The following ASB15 variants were observed in gnomAD, a reference collection of about 807,000 sequenced individuals.
ASB15 encodes ankyrin repeat and SOCS box containing 15.
In ASB15, 54 loss-of-function variants were observed where a neutral mutation model predicts 58.0. The ratio of observed to expected loss-of-function variants is 0.93; its 90% CI spans 0.75 to 1.17. The LOEUF (loss-of-function observed/expected upper bound fraction) is 1.17. Ranked by LOEUF, ASB15 falls within the 50% of genes most tolerant of loss-of-function variation. ASB15 has a pLI of 0.00. For missense variants in ASB15, 680 were observed against 707.4 expected, an observed-to-expected ratio of 0.96 and a Z score of 0.44; for synonymous variants, 249 against 262.4, an observed-to-expected ratio of 0.95 and a Z score of 0.50.
intron 4 of ASB15, among the ~76,000 whole-genome samples, chr7:123,615,856 A>G (rs1175319549): frequency 3.3e-5 from 5 of 152,220 alleles, no homozygotes; most frequent in African/African-American, 1.2e-4. Flanking sequence ...TGAAGAACCC[A>G]CATCCAGAAA....
intron 3 of ASB15, among the ~76,000 whole-genome samples, chr7:123,609,598 C>G (rs1800329230): frequency 6.6e-6 from 1 of 152,166 alleles, no homozygotes; most frequent in African/African-American, 2.4e-5. Context: ...ATGCCCAAGA[C>G]AGAGTGTGAG....
At chr7:123,636,320 T>C (rs1238709732) in intron 11 of ASB15, among the ~76,000 whole-genome samples, 1 of 152,218 alleles carries the variant, frequency 6.6e-6, no homozygotes, top group Non-Finnish European at 1.5e-5. Flanking sequence ...TTTGAGAATA[T>C]ACAAGGTTTA....
At chr7:123,625,520 T>C (rs1304861681) in intron 8 of ASB15, among the ~76,000 whole-genome samples, 1 of 152,194 alleles carries the variant, frequency 6.6e-6, no homozygotes, top group Non-Finnish European at 1.5e-5. Flanking sequence ...CAAAATATAC[T>C]AGCAGTATTC....
Position 123,618,135 on chromosome 7 carries a change from A to G in ASB15, c.451+398A>G, listed in dbSNP as rs73718439. Among the ~76,000 whole-genome samples the G allele has an allele frequency of 7.6e-3, 1,165 of 152,318 alleles. 18 individuals carry two copies. Among genetic ancestry groups the G allele is most frequent in the African/African-American group, 0.027 (1,117 of 41,566 alleles). ...ACATCAAGTTCACATCAGACTGATC[A>G]GGCGAACCTGGAAGGAAGGGAGGCC... is the stretch of plus-strand genomic sequence containing the variant. On this transcript the variant is annotated intron_variant, in intron 7 of 11. Transcript: ENST00000451215.
Position 123,624,782 on chromosome 7 carries a change from A to G in ASB15, c.665A>G (p.His222Arg), listed in dbSNP as rs748824951. 7 of 1,614,062 alleles carry G rather than the reference A, an allele frequency of 4.3e-6. No homozygotes were observed. The East Asian group carries it at 1.6e-4, about 36-fold the overall frequency. Residue 222 changes from histidine to arginine, a missense_variant, in exon 8 of 12, where the codon CAC (histidine) becomes CGC (arginine). His to Arg is a conservative substitution (Grantham distance 29). Transcript: ENST00000451215. ...CTAGGCGTCGCTGCCGAGTATGGTC[A>G]CTGTGACGTGTTAGAACATCTAATC... is the stretch of plus-strand genomic sequence containing the variant. ...TPLGVAAEYG[H>R]CDVLEHLIHK...
intron 3 of ASB15, among the ~76,000 whole-genome samples, chr7:123,612,814 G>A (rs1398611019): frequency 1.3e-5 from 2 of 152,124 alleles, no homozygotes; most frequent in African/African-American, 4.8e-5. Context: ...TATTTAGAGA[G>A]CACAAACCTG....
intron 1 of ASB15, among the ~76,000 whole-genome samples, chr7:123,571,224 A>G (rs1798900020): frequency 6.6e-6 from 1 of 152,220 alleles, no homozygotes; most frequent in South Asian, 2.1e-4. Flanking sequence ...GATTGGGAGC[A>G]CTTTATCAAA....
rs549979873 is a variant in ASB15, at chr7:123,580,912, T to C, written c.-443+13824T>C. On this transcript the variant is annotated intron_variant, in intron 1 of 13. Coordinates refer to the ASB15 transcript ENST00000451558. Reference sequence around the variant, plus strand: ...AGAGACCGTTCGGTTAAGTCTATTATGAAAAGAGACCAATATTAACAATGC... The same window carrying C: ...AGAGACCGTTCGGTTAAGTCTATTACGAAAAGAGACCAATATTAACAATGC... Among the ~76,000 whole-genome samples, 6 of 152,154 alleles carry C rather than the reference T, an allele frequency of 3.9e-5. 1 individual carries two copies. Among genetic ancestry groups the C allele is most frequent in the Non-Finnish European group, 7.4e-5 (5 of 67,962 alleles).
At chr7:123,602,182 T>C (rs1799908922) in intron 1 of ASB15, among the ~76,000 whole-genome samples, 1 of 152,132 alleles carries the variant, frequency 6.6e-6, no homozygotes, top group Non-Finnish European at 1.5e-5. Flanking sequence ...AGAATGAGTA[T>C]CCTTATAGAA....
At chr7:123,626,608 T>C (rs916799717) in intron 8 of ASB15, among the ~76,000 whole-genome samples, 2 of 152,240 alleles carry the variant, frequency 1.3e-5, no homozygotes, top group Non-Finnish European at 2.9e-5. Context: ...CCAAAGATTT[T>C]AATAAAACAA....
intron 3 of ASB15, chr7:123,608,922 A>C (rs551879545): frequency 8.6e-5 from 13 of 151,864 alleles, no homozygotes; most frequent in Admixed American, 8.5e-4. Flanking sequence ...CATAAAAATG[A>C]GAATTCGTAT....
intron 1 of ASB15, among the ~76,000 whole-genome samples, chr7:123,569,536 G>A (rs747589926): frequency 3.9e-5 from 6 of 152,208 alleles, no homozygotes; most frequent in Non-Finnish European, 7.3e-5. Flanking sequence ...TGACTTAAGA[G>A]ACCATAAAAT....
At chr7:123,580,441 A>G (rs1350908737) in intron 1 of ASB15, among the ~76,000 whole-genome samples, 2 of 152,058 alleles carry the variant, frequency 1.3e-5, no homozygotes, top group African/African-American at 2.4e-5. Flanking sequence ...CCACTTGACC[A>G]AAAACTGCTC....
rs760926805 is a variant in ASB15 at position 123,629,421 on chromosome 7, T to C, written c.1427T>C (p.Ile476Thr). The change falls in exon 10 of 12, where the codon ATA becomes ACA. Residue 476 changes from isoleucine to threonine, a missense_variant. By Grantham distance (89) the Ile-to-Thr change is moderately conservative. Coordinates refer to ENST00000451215, the MANE Select transcript of ASB15 (RefSeq NM_001290258.2). The part of the protein sequence containing the change: ...EVLPGWTSCV[I>T]KDNPFCEFIT... ...CTGCCAGGATGGACATCTTGTGTAA[T>C]AAAAGATAACCCGGTGAGTTATGCC... The C allele has an allele frequency of 2.6e-5, 41 of 1,607,220 alleles. No homozygotes were observed. The highest frequency in any genetic ancestry group is 3.3e-5 in the Admixed American group (2 of 59,860).
intron 1 of ASB15, among the ~76,000 whole-genome samples, chr7:123,595,648 CATA>C (rs1315685078): frequency 2.6e-5 from 4 of 152,214 alleles, no homozygotes; most frequent in Non-Finnish European, 5.9e-5. Flanking sequence ...TAGTGCACAG[CATA>C]ATACCTGGCA....
At chr7:123,603,085 A>T (rs1223398891) in intron 1 of ASB15, among the ~76,000 whole-genome samples, 1 of 152,210 alleles carries the variant, frequency 6.6e-6, no homozygotes, top group East Asian at 1.9e-4. Flanking sequence ...ATTAAACTCA[A>T]TATAAAAATA....
At chr7:123,595,095 C>T (rs975305270) in intron 1 of ASB15, among the ~76,000 whole-genome samples, 3 of 152,198 alleles carry the variant, frequency 2.0e-5, no homozygotes, top group Non-Finnish European at 4.4e-5. Context: ...GCTCCGTGGA[C>T]GTGGAACTCG....
chr7:123,574,723 G>A (rs1484007405), intron 1 of ASB15, among the ~76,000 whole-genome samples: 2 of 151,672 alleles, frequency 1.3e-5, no homozygotes, highest in East Asian at 1.9e-4. Context: ...TTAACCCACT[G>A]TACTTTGTTC....
intron 1 of ASB15, among the ~76,000 whole-genome samples, chr7:123,590,254 T>C (rs1799497584): frequency 6.6e-6 from 1 of 152,230 alleles, no homozygotes; most frequent in South Asian, 2.1e-4. Context: ...GCAAAAATTT[T>C]ATCCCATTCT....
Sources: gnomAD v4.1 joint callset for allele counts (sites outside exome capture counted in the v4.1 genomes callset) on GRCh38, gnomAD v4.1.1 for gene constraint, MANE v1.5 for transcripts, NCBI Gene and HGNC (gene_info 2026-07-23, HGNC 2026-07-21) for gene names.